The following FOXN4 variants were observed in gnomAD, a reference collection of about 807,000 sequenced individuals.
FOXN4 encodes forkhead box protein N4.
Under a neutral mutation model 45.0 loss-of-function variants are expected in FOXN4, and 12 were observed. That is an observed-to-expected ratio of 0.27 (90% CI 0.17 to 0.43). The LOEUF (loss-of-function observed/expected upper bound fraction) is 0.43, where lower values mean the gene tolerates loss of function less well. Ranked by LOEUF, FOXN4 falls within the 20% of genes least tolerant of loss-of-function variation. The pLI is 1.00. For missense variants in FOXN4, 560 were observed against 694.9 expected, an observed-to-expected ratio of 0.81 and a Z score of 2.18; for synonymous variants, 297 against 295.0, an observed-to-expected ratio of 1.01 and a Z score of -0.07.
chr12:109,282,709 T>C (rs529089375), intron 8 of FOXN4, among the ~76,000 whole-genome samples: 1 of 152,316 alleles, frequency 6.6e-6, no homozygotes, highest in East Asian at 1.9e-4. Flanking sequence ...CTCTTGGATA[T>C]AAACAAGTAA....
chr12:109,279,953 GGT>G lies in FOXN4; in HGVS notation c.1295-25_1295-24del, dbSNP rs756339063. On this transcript the variant is annotated intron_variant, in intron 9 of 9. Transcript: ENST00000299162. ...TCCCTTTCAAAGACAAAAGCATTAG[GGT>G]GAGCTGGCTTCCCATCAAATGACCT... The G allele has an allele frequency of 3.3e-5, 53 of 1,611,672 alleles. No individual in the cohort carries two copies. In the Admixed American group the frequency reaches 8.7e-4, roughly 26 times the overall value.
At position 109,284,572 on chromosome 12, in the gene FOXN4, C is replaced by T. The variant is rs907912981; in HGVS notation, c.901+732G>A. 5.0e-4 allele frequency among the ~76,000 whole-genome samples: 72 copies of T among 144,492 alleles called. 1 individual carries two copies. The highest frequency in any genetic ancestry group is 1.7e-3 in the African/African-American group (67 of 38,420). The allele number at this position is 144,492 out of a possible 152,430, so 94.8% of individuals were successfully genotyped here. A position where few individuals can be genotyped will look rare whatever the true frequency, so the allele number is the denominator to read the frequency against. On this transcript the variant is annotated intron_variant, in intron 8 of 9. Transcript: ENST00000299162. ...GTGTGTGCGCACGTGTGTGTGCGTGCGTGTGTGTGTGCGCGCTGTGGGCTG... is the reference window on the plus strand; with the variant it reads ...GTGTGTGCGCACGTGTGTGTGCGTGTGTGTGTGTGTGCGCGCTGTGGGCTG...
chr12:109,279,884 T>C lies in FOXN4; in HGVS notation c.1341A>G (p.Thr447=), dbSNP rs2047635968. 1 of 1,613,972 alleles carries C rather than the reference T, an allele frequency of 6.2e-7. No homozygotes were observed. Among genetic ancestry groups the C allele is most frequent in the Non-Finnish European group, 8.5e-7 (1 of 1,179,892 alleles). ...GCGGGGAGTCTGCAAAGGCGCCCAG[T>C]GTGTCCAAGCTGAATCCCTCATCCT... is the stretch of plus-strand genomic sequence containing the variant. ...EMKDEGFSLD[T]LGAFADSPLG... Residue 447 remains threonine, a synonymous_variant, in exon 10 of 10, where the codon ACA becomes ACG. Transcript: ENST00000299162.
At chr12:109,304,296 G>GA (rs1566005777) in intron 2 of FOXN4, among the ~76,000 whole-genome samples, 10 of 31,308 alleles carry the variant, frequency 3.2e-4, no homozygotes, top group East Asian at 7.4e-4. Flanking sequence ...AGAAAGAAAG[G>GA]AGAAAGAAAG....
chr12:109,307,840 G>T (rs2047935317), intron 2 of FOXN4, among the ~76,000 whole-genome samples: 2 of 152,186 alleles, frequency 1.3e-5, no homozygotes, highest in East Asian at 3.9e-4. Context: ...CTTAACATCT[G>T]TGGAGGATAG....
In FOXN4 at chr12:109,291,583, T is replaced by C. The variant is rs2047768888; in HGVS notation, c.87-1297A>G. ...CTCACGTTCTCCCTCTCCCTCCTCC[T>C]CCCTGTCTCTCTCTCTGCTCCTCCC... On this transcript the variant is annotated intron_variant, in intron 2 of 9. Coordinates refer to ENST00000299162, the MANE Select transcript of FOXN4 (RefSeq NM_213596.3). This position sits in a 1 kb window ranked among gnomAD's most constrained non-coding sequence, Gnocchi z 6.6. 6.6e-6 allele frequency among the ~76,000 whole-genome samples: 1 copy of C among 151,662 alleles called. No individual in the cohort carries two copies. The highest frequency in any genetic ancestry group is 2.4e-5 in the African/African-American group (1 of 41,254).
intron 2 of FOXN4, among the ~76,000 whole-genome samples, chr12:109,296,965 C>T (rs1255910330): frequency 6.6e-6 from 1 of 152,238 alleles, no homozygotes; most frequent in Non-Finnish European, 1.5e-5. Flanking sequence ...TTGTTATCGT[C>T]ACCACCTTCC....
intron 2 of FOXN4, among the ~76,000 whole-genome samples, chr12:109,305,405 T>C (rs2047912514): frequency 6.6e-6 from 1 of 151,688 alleles, no homozygotes; most frequent in Non-Finnish European, 1.5e-5. Flanking sequence ...TTATGTTATT[T>C]TGCCTTCTGG....
At chr12:109,292,664 C>T (rs575500164) in intron 2 of FOXN4, among the ~76,000 whole-genome samples, 1 of 152,078 alleles carries the variant, frequency 6.6e-6, no homozygotes, top group South Asian at 2.1e-4. Flanking sequence ...TATTAATATC[C>T]ACCAGGTCGC....
intron 2 of FOXN4, among the ~76,000 whole-genome samples, chr12:109,307,383 G>C (rs2047930762): frequency 6.6e-6 from 1 of 152,154 alleles, no homozygotes; most frequent in Non-Finnish European, 1.5e-5. Flanking sequence ...GGGGAGCCCT[G>C]GAAACGAGGT....
intron 2 of FOXN4, among the ~76,000 whole-genome samples, chr12:109,293,910 AGGACAG>A (rs1262105183): frequency 6.6e-6 from 1 of 152,200 alleles, no homozygotes; most frequent in East Asian, 1.9e-4. Flanking sequence ...CCACAGTCCC[AGGACAG>A]GGACAGAGAG....
intron 2 of FOXN4, among the ~76,000 whole-genome samples, chr12:109,306,821 C>T (rs928596406): frequency 2.6e-5 from 4 of 152,220 alleles, no homozygotes; most frequent in African/African-American, 4.8e-5. Context: ...TTATAATGGA[C>T]TTGAGAGCCT....
intron 6 of FOXN4, 111 bp from the exon 7 acceptor site, chr12:109,286,855 C>A: frequency 1.4e-6 from 2 of 1,464,040 alleles, no homozygotes; most frequent in Non-Finnish European, 1.8e-6. Context: ...GCCTGCCCTG[C>A]TTGACCCTAA....
Position 109,287,317 on chromosome 12 carries a change from T to G in FOXN4, c.596+80A>C. 3 of 1,521,354 alleles carry G rather than the reference T, an allele frequency of 2.0e-6. No homozygotes were observed. The highest frequency in any genetic ancestry group is 1.8e-6 in the Non-Finnish European group (2 of 1,126,006). The allele number at this position is 1,521,354 out of a possible 1,614,324, so 94.2% of individuals were successfully genotyped here. A position where few individuals can be genotyped will look rare whatever the true frequency, so the allele number is the denominator to read the frequency against. ...GAAGTCTGGGCTGCCACACTAGCTG[T>G]CTGAGATGCCCTGAGGGCAGCCTCA... is the stretch of plus-strand genomic sequence containing the variant. On this transcript the variant is annotated intron_variant, in intron 6 of 9. Coordinates refer to ENST00000299162, the MANE Select transcript of FOXN4 (RefSeq NM_213596.3). The surrounding 1 kb of genome is among the most constrained non-coding windows in gnomAD (Gnocchi z 4.1).
chr12:109,297,341 T>G (rs2047827216), intron 2 of FOXN4, among the ~76,000 whole-genome samples: 1 of 152,204 alleles, frequency 6.6e-6, no homozygotes. Flanking sequence ...AATCTTTTTG[T>G]TTTGTTTTGT....
chr12:109,281,628 G>C lies in FOXN4; in HGVS notation c.1073C>G (p.Ser358Ter), dbSNP rs1283944311. 1 of 1,610,608 alleles carries C rather than the reference G, an allele frequency of 6.2e-7. No individual in the cohort carries two copies. The highest frequency in any genetic ancestry group is 1.7e-5 in the Admixed American group (1 of 59,364). Residue 358 changes from serine to a stop codon, truncating the protein, a stop_gained, in exon 9 of 10, where the codon TCA becomes TGA. Transcript: ENST00000299162. LOFTEE classifies it high-confidence loss of function. ...CTGGACCTGGTGGTGCAGGGGGACTGACTGCAGGGACAGGGTCATCAGTGG... is the reference window on the plus strand; with the variant it reads ...CTGGACCTGGTGGTGCAGGGGGACTCACTGCAGGGACAGGGTCATCAGTGG... Reference protein sequence around the residue: ...PQPLMTLSLQSVPLHHQVQPQ... With the variant: ...PQPLMTLSLQ
Position 109,287,552 on chromosome 12 carries a change from G to A in FOXN4, c.469-28C>T. The A allele has an allele frequency of 6.7e-7, 1 of 1,498,896 alleles. No individual in the cohort carries two copies. The allele number at this position is 1,498,896 out of a possible 1,614,324, so 92.8% of individuals were successfully genotyped here. A position where few individuals can be genotyped will look rare whatever the true frequency, so the allele number is the denominator to read the frequency against. ...TCCCACAGGCAGGGGCAGGGAGAAA[G>A]TGGCAGAGAAAGAGAGAAGGTGAGA... On this transcript the variant is annotated intron_variant, in intron 5 of 9. Coordinates refer to ENST00000299162, the MANE Select transcript of FOXN4 (RefSeq NM_213596.3). This position sits in a 1 kb window ranked among gnomAD's most constrained non-coding sequence, Gnocchi z 4.1.
chr12:109,301,140 A>C (rs987982980), intron 2 of FOXN4, among the ~76,000 whole-genome samples: 2 of 152,174 alleles, frequency 1.3e-5, no homozygotes, highest in Non-Finnish European at 2.9e-5. Flanking sequence ...GGCAGGGAAC[A>C]GGAGGACAGG....
At chr12:109,300,744 A>G (rs1214568733) in intron 2 of FOXN4, among the ~76,000 whole-genome samples, 1 of 152,102 alleles carries the variant, frequency 6.6e-6, no homozygotes, top group East Asian at 1.9e-4. Flanking sequence ...CCTTGCCTCT[A>G]CAAACATTTT....
Sources: allele counts gnomAD v4.1 joint callset (sites outside exome capture counted in the v4.1 genomes callset), GRCh38; gene constraint gnomAD v4.1.1; non-coding constraint Gnocchi (gnomAD v3.1); transcripts MANE v1.5; gene names NCBI Gene and HGNC (gene_info 2026-07-23, HGNC 2026-07-21).